ZFP64: variants seen among roughly 807,000 people sequenced by gnomAD.
ZFP64 encodes zinc finger protein 64.
Under a neutral mutation model 51.6 loss-of-function variants are expected in ZFP64, and 14 were observed. That is an observed-to-expected ratio of 0.27 (90% CI 0.18 to 0.42). The LOEUF (loss-of-function observed/expected upper bound fraction) is 0.42. Among genes scored for constraint, ZFP64 ranks in the 10% least tolerant of loss-of-function variants. The pLI, the probability that ZFP64 is intolerant of heterozygous loss-of-function variation, is 1.00. For missense variants in ZFP64, 754 were observed against 906.8 expected (o/e 0.83, Z 2.16); for synonymous variants, 375 against 361.4 (o/e 1.04, Z -0.43).
At chr20:52,143,572 C>T (rs1651557916) in intron 5 of ZFP64, among the ~76,000 whole-genome samples, 1 of 140,682 alleles carries the variant, frequency 7.1e-6, no homozygotes, top group Admixed American at 7.4e-5. Context: ...CTCACTCTGT[C>T]ACCAAGGCTA....
intron 2 of ZFP64, among the ~76,000 whole-genome samples, chr20:52,170,104 C>T (rs753313274): frequency 3.3e-5 from 5 of 151,828 alleles, no homozygotes; most frequent in African/African-American, 4.8e-5. Context: ...CTTTTGTTGC[C>T]TGTGCTTTGG....
chr20:52,153,077 T>C lies in ZFP64; in HGVS notation c.1115A>G (p.Lys372Arg), dbSNP rs1228428123. 6.2e-7 allele frequency: 1 copy of C among 1,614,184 alleles called. No individual in the cohort carries two copies. Among genetic ancestry groups the C allele is most frequent in the Admixed American group, 1.7e-5 (1 of 60,020 alleles). Residue 372 changes from lysine to arginine, a missense_variant, in exon 6 of 6, where the codon AAG (lysine) becomes AGG (arginine). By Grantham distance (26) the Lys-to-Arg change is conservative. Transcript: ENST00000216923. This position sits in a 1 kb window ranked among gnomAD's most constrained non-coding sequence, Gnocchi z 5.1. ...GGTGTCGAAGCTGCAGTAGTTGCAC[T>C]TGAAAGGGCGGTCGGTGCAGTGGAT... ...ERIHCTDRPF[K>R]CNYCSFDTKQ... is the part of the protein sequence containing the mutation.
intron 5 of ZFP64, among the ~76,000 whole-genome samples, chr20:52,100,466 G>A (rs1380822603): frequency 1.3e-5 from 2 of 152,148 alleles, no homozygotes; most frequent in East Asian, 1.9e-4. Context: ...AGTTGGTCTT[G>A]AACTCCTGAC....
intron 2 of ZFP64, among the ~76,000 whole-genome samples, chr20:52,179,577 A>G (rs1264019479): frequency 6.6e-6 from 1 of 152,206 alleles, no homozygotes; most frequent in Non-Finnish European, 1.5e-5. Flanking sequence ...GAAATTGAGC[A>G]ACTAATTTGG....
chr20:52,149,420 G>A (rs925390097), downstream of ZFP64, among the ~76,000 whole-genome samples: 21 of 152,102 alleles, frequency 1.4e-4, no homozygotes, highest in African/African-American at 4.8e-4. Context: ...AAAAAACTAG[G>A]TCTAGTTTTG....
At chr20:52,091,315 C>G (rs1293582121) in intron 7 of ZFP64, among the ~76,000 whole-genome samples, 2 of 151,876 alleles carry the variant, frequency 1.3e-5, no homozygotes, top group Non-Finnish European at 2.9e-5. Context: ...CTGGGCAACA[C>G]AGGGAGAGCT....
rs1197084994 is a variant in ZFP64 at position 52,160,413 on chromosome 20, A to G, written c.512-39T>C. 6.4e-7 allele frequency: 1 copy of G among 1,559,748 alleles called. No homozygotes were observed. Among genetic ancestry groups the G allele is most frequent in the South Asian group, 1.2e-5 (1 of 82,984 alleles). On this transcript the variant is annotated intron_variant, in intron 4 of 5. Transcript: ENST00000216923. This position sits in a 1 kb window ranked among gnomAD's most constrained non-coding sequence, Gnocchi z 4.2. ...CACACACAGATGGCAGCAGGAAACA[A>G]GATTAAAAAAGGAAAAGGCTTATTT...
intron 6 of ZFP64, chr20:52,098,365 C>G: frequency 6.3e-7 from 1 of 1,579,564 alleles, no homozygotes; most frequent in Non-Finnish European, 8.6e-7. Flanking sequence ...GCAGGCAGCT[C>G]AGAGATTCAC....
intron 5 of ZFP64, among the ~76,000 whole-genome samples, chr20:52,144,035 C>A (rs1439829464): frequency 7.0e-6 from 1 of 142,770 alleles, no homozygotes; most frequent in Non-Finnish European, 1.6e-5. Flanking sequence ...ATTTGTTAAT[C>A]CTCCTTTGAG....
chr20:52,119,344 C>G (rs957279381), intron 5 of ZFP64, among the ~76,000 whole-genome samples: 1 of 150,558 alleles, frequency 6.6e-6, no homozygotes, highest in Non-Finnish European at 1.5e-5. Context: ...GTCGAAACCC[C>G]GACTCTACTA....
intron 5 of ZFP64, among the ~76,000 whole-genome samples, chr20:52,113,488 C>T (rs1978706234): frequency 7.7e-6 from 1 of 129,774 alleles, no homozygotes; most frequent in Admixed American, 9.3e-5. Context: ...GGTGCAGTGG[C>T]GCGATCTCGG....
rs1266505687 is a variant in ZFP64 at position 52,160,557 on chromosome 20, T to C, written c.512-183A>G. Among the ~76,000 whole-genome samples the C allele has an allele frequency of 6.6e-6, 1 of 152,236 alleles. No homozygotes were observed. Among genetic ancestry groups the C allele is most frequent in the African/African-American group, 2.4e-5 (1 of 41,470 alleles). On this transcript the variant is annotated intron_variant, in intron 4 of 5. Coordinates refer to ENST00000216923, the MANE Select transcript of ZFP64 (RefSeq NM_018197.3). The surrounding 1 kb of genome is among the most constrained non-coding windows in gnomAD (Gnocchi z 4.2). ...CTTGGGAGAGGGGAAGTTTCTTCCA[T>C]GTTCCTTATTGGTATTACTTGAATT...
chr20:52,170,012 CA>C lies in ZFP64; in HGVS notation c.287-3988del, dbSNP rs1418456314. ...AGGTTACGGTGAGTCCAGATCATGC[CA>C]TTGCACTCCAGCCTGGGCAACAAGA... On this transcript the variant is annotated intron_variant, in intron 2 of 5. Coordinates refer to ENST00000216923, the MANE Select transcript of ZFP64 (RefSeq NM_018197.3). 2.0e-5 allele frequency among the ~76,000 whole-genome samples: 3 copies of C among 151,506 alleles called. No individual in the cohort carries two copies. The East Asian group carries it at 5.9e-4, about 30-fold the overall frequency.
chr20:52,152,556 C>T lies in ZFP64; in HGVS notation c.1636G>A (p.Val546Ile), dbSNP rs750897508. ...GNSRLQILRQ[V>I]SLIAPPQSSR... ...GACTGAGGGGGGGCGATCAGACTGACCTGGCGCAGGATCTGCAGCCGGCTG... is the reference window on the plus strand; with the variant it reads ...GACTGAGGGGGGGCGATCAGACTGATCTGGCGCAGGATCTGCAGCCGGCTG... Residue 546 changes from valine (V) to isoleucine (I), a missense_variant, in exon 6 of 6, where the codon GTC (valine) becomes ATC (isoleucine). Physicochemically the swap from Val to Ile is conservative, Grantham distance 29 (BLOSUM62 3). Around this residue, in one of 3 missense-constraint regions of ZFP64, gnomAD observed 428 missense variants for 472.4 expected, o/e 0.91. Transcript: ENST00000216923. 1 of 1,574,930 alleles carries T rather than the reference C, an allele frequency of 6.3e-7. No individual in the cohort carries two copies. Among genetic ancestry groups the T allele is most frequent in the Non-Finnish European group, 8.6e-7 (1 of 1,162,128 alleles).
chr20:52,121,799 G>A (rs2077668011), intron 5 of ZFP64, among the ~76,000 whole-genome samples: 1 of 152,228 alleles, frequency 6.6e-6, no homozygotes, highest in Non-Finnish European at 1.5e-5. Context: ...TAGCTAGAGA[G>A]GAGAAGTCAA....
At chr20:52,122,691 T>C (rs1237445344) in intron 5 of ZFP64, among the ~76,000 whole-genome samples, 1 of 152,062 alleles carries the variant, frequency 6.6e-6, no homozygotes, top group Admixed American at 6.6e-5. Context: ...TTGTAAGAAG[T>C]TGATTCCAAA....
chr20:52,147,568 T>C (rs1337008093), downstream of ZFP64, among the ~76,000 whole-genome samples: 1 of 152,198 alleles, frequency 6.6e-6, no homozygotes, highest in Non-Finnish European at 1.5e-5. Context: ...TTATAAATCA[T>C]ATTTATCAGA....
intron 5 of ZFP64, among the ~76,000 whole-genome samples, chr20:52,122,581 G>A (rs901427857): frequency 6.6e-6 from 1 of 152,040 alleles, no homozygotes; most frequent in Non-Finnish European, 1.5e-5. Flanking sequence ...ATGAATTTGG[G>A]CAAAGTATAT....
At chr20:52,145,211 C>T (rs552530008) in intron 5 of ZFP64, among the ~76,000 whole-genome samples, 1 of 152,348 alleles carries the variant, frequency 6.6e-6, no homozygotes, top group East Asian at 1.9e-4. Flanking sequence ...GTCGTTGCCA[C>T]TTATCAACAG....
Sources: gnomAD v4.1 joint callset for allele counts (sites outside exome capture counted in the v4.1 genomes callset) on GRCh38, gnomAD v4.1.1 for gene constraint, gnomAD v4.1.1 regional missense constraint, Gnocchi (gnomAD v3.1) non-coding constraint, MANE v1.5 for transcripts, NCBI Gene and HGNC (gene_info 2026-07-23, HGNC 2026-07-21) for gene names.